Variants in SYT6 observed in about 807,000 individuals in gnomAD.
SYT6 encodes the protein synaptotagmin 6.
A neutral mutation model predicts 38.4 loss-of-function variants in SYT6; 24 were observed. That is an observed-to-expected ratio of 0.62 (90% confidence interval 0.45 to 0.88). The LOEUF is 0.88. SYT6 is among the 40% of genes least tolerant of loss of function. SYT6 has a pLI of 0.00. For synonymous variants in SYT6, 265 were observed against 241.9 expected (o/e 1.10, Z -0.89); for missense variants, 611 against 621.0 (o/e 0.98, Z 0.17).
chr1:114,126,591 T>C (rs1232259321), intron 3 of SYT6, among the ~76,000 whole-genome samples: 1 of 152,246 alleles, frequency 6.6e-6, no homozygotes, highest in African/African-American at 2.4e-5. Flanking sequence ...GCATATGCTC[T>C]GGGAGCAAGG....
chr1:114,149,841 A>G (rs79982139), intron 1 of SYT6, among the ~76,000 whole-genome samples: 3 of 151,988 alleles, frequency 2.0e-5, no homozygotes, highest in African/African-American at 7.3e-5. Flanking sequence ...AGCAAGAAAG[A>G]GTTCAGTGCT....
chr1:114,116,542 G>T (rs1321809578), intron 3 of SYT6, among the ~76,000 whole-genome samples: 1 of 152,232 alleles, frequency 6.6e-6, no homozygotes, highest in Non-Finnish European at 1.5e-5. Context: ...TCTTGAGGAA[G>T]GGTGAGGAGA....
chr1:114,097,753 C>T lies in SYT6; in HGVS notation c.1489G>A (p.Val497Met), dbSNP rs1571815658. 6.2e-7 allele frequency: 1 copy of T among 1,614,194 alleles called. No homozygotes were observed. Among genetic ancestry groups the T allele is most frequent in the South Asian group, 1.1e-5 (1 of 91,088 alleles). The change falls in exon 6 of 8, where the codon GTG becomes ATG. Residue 497 changes from valine (V) to methionine (M), a missense_variant. Physicochemically the swap from Val to Met is conservative, Grantham distance 21. Transcript: ENST00000610222. The stretch of plus-strand genomic sequence containing the variant: ...TCTTTGAAGGATTTCTTTACCTCCA[C>T]CAAGGAGTGCCAGTGTGCGATGGGC... ...RKPIAHWHSL[V>M]EVKKSFKEGN...
chr1:114,138,469 A>G (rs1241507730), intron 2 of SYT6, among the ~76,000 whole-genome samples: 1 of 152,244 alleles, frequency 6.6e-6, no homozygotes, highest in Middle Eastern at 3.4e-3. Context: ...CATCATCACC[A>G]TCACCATTTG....
At chr1:114,093,141 T>C (rs1181185375) in intron 7 of SYT6, among the ~76,000 whole-genome samples, 2 of 152,114 alleles carry the variant, frequency 1.3e-5, no homozygotes, top group African/African-American at 2.4e-5. Flanking sequence ...CATGCATACA[T>C]GGAGGTTTGG....
At position 114,137,716 on chromosome 1, in the gene SYT6, G is replaced by A. The variant is rs1212768713; in HGVS notation, c.850C>T (p.Arg284Trp). 31 of 1,613,732 alleles carry A rather than the reference G, an allele frequency of 1.9e-5. No individual in the cohort carries two copies. Among genetic ancestry groups the A allele is most frequent in the Non-Finnish European group, 2.6e-5 (31 of 1,179,790 alleles). Reference sequence around the variant, plus strand: ...GGGTTCAGGGTCTTGCGGTGCACCCGGGTCTGCAGCTTGCATTTGCGGTCA... The same window carrying A: ...GGGTTCAGGGTCTTGCGGTGCACCCAGGTCTGCAGCTTGCATTTGCGGTCA... Reference protein sequence around the residue: ...LPDRKCKLQTRVHRKTLNPTF... With the variant: ...LPDRKCKLQTWVHRKTLNPTF... Residue 284 changes from arginine (R) to tryptophan (W), a missense_variant, in exon 3 of 8, where the codon CGG (arginine) becomes TGG (tryptophan). Arg to Trp is a moderately radical substitution (Grantham distance 101, BLOSUM62 -3). Coordinates refer to ENST00000610222, the MANE Select transcript of SYT6 (RefSeq NM_001253772.2).
chr1:114,122,506 T>TGTGTGCGCGC (rs60780339), intron 3 of SYT6, among the ~76,000 whole-genome samples: 111 of 147,406 alleles, frequency 7.5e-4, no homozygotes, highest in African/African-American at 2.0e-3. Context: ...TGTGTGTGTG[T>TGTGTGCGCGC]GCGCGCACAT....
chr1:114,099,900 C>A (rs1307465845), intron 4 of SYT6, among the ~76,000 whole-genome samples: 1 of 152,116 alleles, frequency 6.6e-6, no homozygotes, highest in East Asian at 1.9e-4. Context: ...AGTGGCCCTG[C>A]TCTCTGCTTC....
intron 3 of SYT6, among the ~76,000 whole-genome samples, chr1:114,118,973 G>A (rs920190228): frequency 3.3e-5 from 5 of 152,152 alleles, no homozygotes; most frequent in Non-Finnish European, 5.9e-5. Context: ...ACTGCCCTCC[G>A]TGCACACCAT....
At chr1:114,148,880 C>T (rs1008261075) in intron 1 of SYT6, among the ~76,000 whole-genome samples, 32 of 152,134 alleles carry the variant, frequency 2.1e-4, no homozygotes, top group Non-Finnish European at 3.5e-4. Context: ...CTAGGACTTG[C>T]TGATGCCCAA....
At chr1:114,094,032 CTGAT>C (rs1484818529) in intron 6 of SYT6, among the ~76,000 whole-genome samples, 1 of 152,190 alleles carries the variant, frequency 6.6e-6, no homozygotes, top group Non-Finnish European at 1.5e-5. Flanking sequence ...AACAACCTGA[CTGAT>C]AGGCCAGGTC....
rs1186593585 is a variant in SYT6, at chr1:114,110,083, A to G, written c.1072-6362T>C. The stretch of plus-strand genomic sequence containing the variant: ...GCCAGCCTTGCCTGCCTCTTAGCCC[A>G]TACTTGGGAGTTTGTCCTTGATTCT... On this transcript the variant is annotated intron_variant, in intron 3 of 7. Transcript: ENST00000610222. 3.3e-5 allele frequency among the ~76,000 whole-genome samples: 5 copies of G among 152,270 alleles called. No individual in the cohort carries two copies. In the South Asian group the frequency reaches 8.3e-4, roughly 25 times the overall value.
chr1:114,126,882 C>T (rs1571869003), intron 3 of SYT6, among the ~76,000 whole-genome samples: 1 of 152,162 alleles, frequency 6.6e-6, no homozygotes, highest in African/African-American at 2.4e-5. Flanking sequence ...AGGAAGCTGG[C>T]CTGAGTGGGC....
chr1:114,151,448 C>T (rs566308541), intron 1 of SYT6, among the ~76,000 whole-genome samples: 111 of 152,322 alleles, frequency 7.3e-4, no homozygotes, highest in African/African-American at 2.6e-3. Context: ...CTCAACCTGG[C>T]CATCCAGGCA....
chr1:114,150,226 T>C (rs1004440131), intron 1 of SYT6, among the ~76,000 whole-genome samples: 1 of 152,188 alleles, frequency 6.6e-6, no homozygotes, highest in Non-Finnish European at 1.5e-5. Context: ...CTTAGAGGGA[T>C]GACACATACT....
chr1:114,133,543 G>A (rs1222347220), intron 3 of SYT6, among the ~76,000 whole-genome samples: 1 of 152,184 alleles, frequency 6.6e-6, no homozygotes, highest in Admixed American at 6.5e-5. Flanking sequence ...GAGAGACAGT[G>A]GCAAACCTCT....
chr1:114,137,998 A>G lies in SYT6; in HGVS notation c.568T>C (p.Tyr190His), dbSNP rs1258908501. 3 of 1,613,864 alleles carry G rather than the reference A, an allele frequency of 1.9e-6. No individual in the cohort carries two copies. Among genetic ancestry groups the G allele is most frequent in the Non-Finnish European group, 2.5e-6 (3 of 1,179,988 alleles). The change falls in exon 3 of 8, where the codon TAT (tyrosine) becomes CAT (histidine). Residue 190 changes from tyrosine (Y) to histidine (H), a missense_variant. Transcript: ENST00000610222. ...PRQMHVSSVDYGNELPPAAEQ... is the reference protein window; with the variant it reads ...PRQMHVSSVDHGNELPPAAEQ... Reference sequence around the variant, plus strand: ...GCTGCTGGTGGAAGCTCATTGCCATAGTCTACACTGGAGACATGCATCTGC... The same window carrying G: ...GCTGCTGGTGGAAGCTCATTGCCATGGTCTACACTGGAGACATGCATCTGC...
chr1:114,135,210 C>T (rs1678404390), intron 3 of SYT6, among the ~76,000 whole-genome samples: 1 of 152,042 alleles, frequency 6.6e-6, no homozygotes, highest in South Asian at 2.1e-4. Flanking sequence ...TGGAATGCTC[C>T]CCCTTCCTCT....
chr1:114,116,555 G>A (rs1437888010), intron 3 of SYT6, among the ~76,000 whole-genome samples: 2 of 152,196 alleles, frequency 1.3e-5, no homozygotes, highest in African/African-American at 4.8e-5. Context: ...TGAGGAGATG[G>A]TCTGTGATCT....
Sources: gnomAD v4.1 joint callset for allele counts (sites outside exome capture counted in the v4.1 genomes callset) on GRCh38, gnomAD v4.1.1 for gene constraint, MANE v1.5 for transcripts, NCBI Gene and HGNC (gene_info 2026-07-23, HGNC 2026-07-21) for gene names.